The following COL9A1 variants were observed in gnomAD, a reference collection of about 807,000 sequenced individuals.
The protein encoded by COL9A1 is collagen type IX alpha 1 chain, also known as collagen alpha-1(IX) chain.
Under a neutral mutation model 142.6 loss-of-function variants are expected in COL9A1, and 104 were observed. The ratio of observed to expected loss-of-function variants is 0.73; its 90% CI spans 0.62 to 0.86. The LOEUF is 0.86. COL9A1 is among the 40% of genes least tolerant of loss of function. COL9A1 has a pLI of 0.00. For synonymous variants in COL9A1, 466 were observed against 396.0 expected (o/e 1.18, Z -2.10); for missense variants, 1,210 against 1,176.6 (o/e 1.03, Z -0.42).
chr6:70,296,266 A>T (rs1050801453), intron 4 of COL9A1, among the ~76,000 whole-genome samples: 6 of 152,188 alleles, frequency 3.9e-5, no homozygotes, highest in Non-Finnish European at 5.9e-5. Flanking sequence ...TTACTTTGTA[A>T]TATGACTGGT....
intron 13 of COL9A1, 24 bp from the exon 14 acceptor site, chr6:70,271,732 A>T (rs1263410750): frequency 1.3e-6 from 2 of 1,599,676 alleles, no homozygotes; most frequent in South Asian, 2.2e-5. Flanking sequence ...ATCAAAGCAA[A>T]TGGTCATTTA....
At chr6:70,268,219 C>G (rs1304381136) in intron 17 of COL9A1, among the ~76,000 whole-genome samples, 1 of 149,694 alleles carries the variant, frequency 6.7e-6, no homozygotes, top group Non-Finnish European at 1.5e-5. Context: ...TAATAGGAAG[C>G]ACTTTTTTTT....
chr6:70,240,637 A>C (rs780999870), intron 32 of COL9A1, 52 bp downstream of exon 32: 6 of 1,301,322 alleles, frequency 4.6e-6, no homozygotes, highest in Non-Finnish European at 6.7e-6. Flanking sequence ...TATACTTCTA[A>C]CAGTTCAAAA....
Position 70,269,550 on chromosome 6 carries a change from G to A in COL9A1, c.1230+83C>T, listed in dbSNP as rs563855797. 7.2e-5 allele frequency: 69 copies of A among 958,074 alleles called. No individual in the cohort carries two copies. The African/African-American group carries it at 8.5e-4, about 12-fold the overall frequency. 59.3% of individuals were successfully genotyped at this position (958,074 alleles called of 1,614,324 possible). On this transcript the variant is annotated intron_variant, in intron 16 of 37. Transcript: ENST00000357250. ...AACACAGACACATAGAATATTCCAG[G>A]GAAATCTTTTAAAGAAAACTCATCT...
chr6:70,296,396 A>G (rs1773851298), intron 4 of COL9A1, among the ~76,000 whole-genome samples: 2 of 152,224 alleles, frequency 1.3e-5, no homozygotes, highest in South Asian at 4.1e-4. Flanking sequence ...CCTCAAGTGT[A>G]CATTTTAAAA....
chr6:70,279,004 G>A (rs1772943842), intron 10 of COL9A1, among the ~76,000 whole-genome samples: 1 of 152,236 alleles, frequency 6.6e-6, no homozygotes, highest in East Asian at 1.9e-4. Flanking sequence ...TTAATAGCAA[G>A]ACAAGGATTC....
chr6:70,240,015 C>G (rs1770142090), intron 32 of COL9A1, among the ~76,000 whole-genome samples: 6 of 152,108 alleles, frequency 3.9e-5, no homozygotes. Context: ...GCCCTACAAG[C>G]TCTCTAAAAC....
At chr6:70,276,130 G>C (rs541840348) in intron 10 of COL9A1, among the ~76,000 whole-genome samples, 133 of 152,236 alleles carry the variant, frequency 8.7e-4, no homozygotes, top group African/African-American at 3.2e-3. Flanking sequence ...TTGACAGACT[G>C]CCTTTGATTT....
At chr6:70,281,669 G>A (rs893176094) in intron 7 of COL9A1, among the ~76,000 whole-genome samples, 3 of 152,106 alleles carry the variant, frequency 2.0e-5, no homozygotes, top group Non-Finnish European at 4.4e-5. Context: ...TAAACTGTGG[G>A]GCTAGAGCAG....
intron 5 of COL9A1, among the ~76,000 whole-genome samples, chr6:70,292,887 A>G (rs1773707998): frequency 6.6e-6 from 1 of 152,194 alleles, no homozygotes; most frequent in African/African-American, 2.4e-5. Context: ...CAGCCACTTG[A>G]GGTGTGATAA....
chr6:70,246,955 T>C (rs889225459), intron 28 of COL9A1, among the ~76,000 whole-genome samples: 4 of 152,218 alleles, frequency 2.6e-5, no homozygotes, highest in Non-Finnish European at 5.9e-5. Context: ...TAGGGCTTTT[T>C]TGAGGATTGA....
chr6:70,280,669 G>A (rs1198685280), intron 10 of COL9A1, 143 bp downstream of exon 10: 14 of 1,298,372 alleles, frequency 1.1e-5, no homozygotes, highest in East Asian at 2.5e-5. Context: ...GATCAATCAG[G>A]CGCTGGCAGG....
At chr6:70,287,076 G>C (rs1344201683) in intron 5 of COL9A1, among the ~76,000 whole-genome samples, 2 of 152,096 alleles carry the variant, frequency 1.3e-5, no homozygotes, top group South Asian at 2.1e-4. Flanking sequence ...ATCAATGAAG[G>C]GATCATATAA....
At position 70,272,171 on chromosome 6, in the gene COL9A1, A is replaced by G. The variant is rs1772447588; in HGVS notation, c.1066-83T>C. ...AATGTAGACATAACTCAGCTAAAAT[A>G]AACCATAAACTCTATTACTAAAAAT... On this transcript the variant is annotated intron_variant, in intron 12 of 37. Transcript: ENST00000357250. 4 of 1,123,888 alleles carry G rather than the reference A, an allele frequency of 3.6e-6. No homozygotes were observed. The East Asian group carries it at 1.0e-4, about 28-fold the overall frequency. The allele number at this position is 1,123,888 out of a possible 1,614,324, so 69.6% of individuals were successfully genotyped here. A position where few individuals can be genotyped will look rare whatever the true frequency, so the allele number is the denominator to read the frequency against.
At position 70,283,293 on chromosome 6, in the gene COL9A1, A is replaced by G. The variant is rs1773293288; in HGVS notation, c.781-375T>C. ...GCAGGGGAGGACGGATAGAATGACA[A>G]CAGTCGCCCTTAACCCCTTCCCTGC... is the stretch of plus-strand genomic sequence containing the variant. On this transcript the variant is annotated intron_variant, in intron 6 of 37. Transcript: ENST00000357250. 3.6e-6 allele frequency: 5 copies of G among 1,377,812 alleles called. No individual in the cohort carries two copies. The South Asian group carries it at 7.6e-5, about 21-fold the overall frequency. The allele number at this position is 1,377,812 out of a possible 1,614,324, so 85.3% of individuals were successfully genotyped here.
intron 37 of COL9A1, chr6:70,222,730 T>A (rs1438684123): frequency 1.4e-5 from 2 of 145,560 alleles, no homozygotes; most frequent in East Asian, 4.3e-4. Context: ...CAAAGAATGA[T>A]CCAACTATCT....
chr6:70,241,428 C>G lies in COL9A1; in HGVS notation c.2025G>C (p.Lys675Asn). Reference protein sequence around the residue: ...DRGVVGEPGPKGEQGASGEEG... With the variant: ...DRGVVGEPGPNGEQGASGEEG... ...AAATAATAAGACTGACCTGTTCACC[C>G]TTTGGACCCGGTTCACCGACTACAC... The change falls in exon 31 of 38, where the codon AAG becomes AAC. Residue 675 changes from lysine to asparagine, a missense_variant. Lys to Asn is a moderately conservative substitution (Grantham distance 94). Coordinates refer to ENST00000357250, the MANE Select transcript of COL9A1 (RefSeq NM_001851.6). 6.2e-7 allele frequency: 1 copy of G among 1,611,056 alleles called. No individual in the cohort carries two copies. The highest frequency in any genetic ancestry group is 8.5e-7 in the Non-Finnish European group (1 of 1,177,206).
chr6:70,261,152 C>G (rs181168447), intron 19 of COL9A1: 1 of 170,990 alleles, frequency 5.8e-6, no homozygotes, highest in African/African-American at 2.4e-5. Context: ...GGTTCCCAGG[C>G]TAGCCCACGA....
intron 19 of COL9A1, among the ~76,000 whole-genome samples, chr6:70,262,187 C>G (rs1320959974): frequency 6.6e-6 from 1 of 151,944 alleles, no homozygotes; most frequent in Non-Finnish European, 1.5e-5. Context: ...GCATATGTCT[C>G]TTACACCATG....
Sources: gnomAD v4.1 joint callset for allele counts (sites outside exome capture counted in the v4.1 genomes callset) on GRCh38, gnomAD v4.1.1 for gene constraint, MANE v1.5 for transcripts, NCBI Gene and HGNC (gene_info 2026-07-23, HGNC 2026-07-21) for gene names.